PKP4: variants seen among roughly 807,000 people sequenced by gnomAD.
PKP4 encodes the protein plakophilin 4.
In PKP4, 90 loss-of-function variants were observed where a neutral mutation model predicts 145.1. The observed-to-expected ratio is 0.62, with a 90% CI of 0.52 to 0.74. The LOEUF (loss-of-function observed/expected upper bound fraction) is 0.74, where lower values mean the gene tolerates loss of function less well. Ranked by LOEUF, PKP4 falls within the 30% of genes least tolerant of loss-of-function variation. The pLI, the probability that PKP4 is intolerant of heterozygous loss-of-function variation, is 0.00. For synonymous variants in PKP4, 563 were observed against 577.2 expected, an observed-to-expected ratio of 0.98 and a Z score of 0.35; for missense variants, 1,340 against 1,482.7, an observed-to-expected ratio of 0.90 and a Z score of 1.58.
intron 1 of PKP4, among the ~76,000 whole-genome samples, chr2:158,517,724 C>T (rs1236135401): frequency 1.3e-5 from 2 of 151,502 alleles, no homozygotes; most frequent in South Asian, 4.2e-4. Flanking sequence ...GAGACCAACC[C>T]TGGGCAACAT....
At chr2:158,505,694 C>G (rs2040910434) in intron 1 of PKP4, among the ~76,000 whole-genome samples, 1 of 151,964 alleles carries the variant, frequency 6.6e-6, no homozygotes, top group Admixed American at 6.6e-5. Context: ...GGGGGTTCAT[C>G]AGGATCAGAG....
chr2:158,666,870 AC>A (rs1259991895), intron 16 of PKP4, among the ~76,000 whole-genome samples: 1 of 152,214 alleles, frequency 6.6e-6, no homozygotes, highest in African/African-American at 2.4e-5. Context: ...ATCCTGAGCA[AC>A]AAAAAATCTT....
rs756648311 is a variant in PKP4, at chr2:158,680,826, A to T, written c.*149A>T. 7 of 712,020 alleles carry T rather than the reference A, an allele frequency of 9.8e-6. No homozygotes were observed. The highest frequency in any genetic ancestry group is 9.3e-5 in the Admixed American group (3 of 32,104). 44.1% of individuals were successfully genotyped at this position (712,020 alleles called of 1,614,324 possible). On this transcript the variant is annotated 3_prime_UTR_variant, in exon 22 of 22. Transcript: ENST00000389759. ...TTTTTTTTTTCTTTTTTGAGGAATT[A>T]TCAGGGAAGTGAGGAAATGTTTGGG...
chr2:158,499,176 T>G (rs1310986208), intron 1 of PKP4, among the ~76,000 whole-genome samples: 1 of 152,114 alleles, frequency 6.6e-6, no homozygotes, highest in Non-Finnish European at 1.5e-5. Flanking sequence ...AAAGGCTTGG[T>G]GAAGATTAAT....
chr2:158,670,992 G>T (rs1365599252), intron 17 of PKP4, among the ~76,000 whole-genome samples: 1 of 152,114 alleles, frequency 6.6e-6, no homozygotes, highest in Non-Finnish European at 1.5e-5. Context: ...TAGCATGGCA[G>T]CCCTCTCCCC....
chr2:158,676,693 T>G (rs1559001594), intron 19 of PKP4, 46 bp from the exon 20 acceptor site: 1 of 1,611,316 alleles, frequency 6.2e-7, no homozygotes, highest in Admixed American at 1.7e-5. Context: ...TGATGCTGAT[T>G]TCTCTTTCTA....
chr2:158,628,979 C>T (rs1249619644), intron 7 of PKP4, among the ~76,000 whole-genome samples: 22 of 152,044 alleles, frequency 1.4e-4, no homozygotes, highest in Non-Finnish European at 2.8e-4. Flanking sequence ...ATAAGATTAT[C>T]GAGGACTAGG....
At chr2:158,551,450 C>T (rs932236695) in intron 2 of PKP4, among the ~76,000 whole-genome samples, 1 of 152,210 alleles carries the variant, frequency 6.6e-6, no homozygotes, top group African/African-American at 2.4e-5. Flanking sequence ...CTAAAACCAT[C>T]TCAGTTAGCA....
At position 158,680,871 on chromosome 2, in the gene PKP4, A is replaced by C. The variant is rs906706310; in HGVS notation, c.*194A>C. The C allele has an allele frequency of 1.8e-6, 1 of 559,504 alleles. No homozygotes were observed. Among genetic ancestry groups the C allele is most frequent in the African/African-American group, 1.9e-5 (1 of 53,116 alleles). 34.7% of individuals were successfully genotyped at this position (559,504 alleles called of 1,614,324 possible). A position where few individuals can be genotyped will look rare whatever the true frequency, so the allele number is the denominator to read the frequency against. On this transcript the variant is annotated 3_prime_UTR_variant, in exon 22 of 22. Coordinates refer to ENST00000389759, the MANE Select transcript of PKP4 (RefSeq NM_003628.6). ...TTTGGGAGAGGACTTTCTAAGCTCT[A>C]TTTAGGTGTTAGATCTAATTACTTA...
intron 11 of PKP4, among the ~76,000 whole-genome samples, chr2:158,646,629 T>C (rs1024562796): frequency 6.6e-6 from 1 of 152,206 alleles, no homozygotes; most frequent in African/African-American, 2.4e-5. Flanking sequence ...TTGATACATA[T>C]TAAAGCATGA....
intron 1 of PKP4, among the ~76,000 whole-genome samples, chr2:158,530,299 A>G (rs369269703): frequency 6.6e-5 from 10 of 152,012 alleles, no homozygotes; most frequent in African/African-American, 1.9e-4. Context: ...CCTTTTTCCA[A>G]AAACAGCCAT....
chr2:158,649,857 T>C (rs1435125176), intron 11 of PKP4, among the ~76,000 whole-genome samples: 1 of 152,234 alleles, frequency 6.6e-6, no homozygotes, highest in East Asian at 1.9e-4. Context: ...GCAAATGCTT[T>C]GCAGTTTCTG....
At chr2:158,553,053 T>C (rs139653247) in intron 2 of PKP4, among the ~76,000 whole-genome samples, 1 of 152,132 alleles carries the variant, frequency 6.6e-6, no homozygotes, top group Non-Finnish European at 1.5e-5. Context: ...GTAGAAAGCA[T>C]GTAAATGATG....
intron 11 of PKP4, among the ~76,000 whole-genome samples, chr2:158,652,927 T>G (rs2055527410): frequency 6.6e-6 from 1 of 152,158 alleles, no homozygotes; most frequent in Non-Finnish European, 1.5e-5. Context: ...TTTACCTGCC[T>G]CCATCATGAA....
At chr2:158,671,430 T>A (rs1032539578) in intron 17 of PKP4, among the ~76,000 whole-genome samples, 3 of 152,114 alleles carry the variant, frequency 2.0e-5, no homozygotes, top group Non-Finnish European at 2.9e-5. Flanking sequence ...CTTATGCTCT[T>A]AAAATGTCGC....
At chr2:158,545,362 GT>G (rs1424125190) in intron 2 of PKP4, among the ~76,000 whole-genome samples, 7 of 152,056 alleles carry the variant, frequency 4.6e-5, no homozygotes, top group Non-Finnish European at 1.0e-4. Context: ...AGAAAGGGAG[GT>G]GGAGAAGTTT....
intron 1 of PKP4, among the ~76,000 whole-genome samples, chr2:158,532,427 A>C (rs1307070474): frequency 6.6e-6 from 1 of 152,230 alleles, no homozygotes; most frequent in Non-Finnish European, 1.5e-5. Flanking sequence ...GGCTAGTTTC[A>C]TGGTATGATA....
At chr2:158,465,126 T>G (rs978876453) in intron 1 of PKP4, among the ~76,000 whole-genome samples, 2 of 152,198 alleles carry the variant, frequency 1.3e-5, no homozygotes, top group Non-Finnish European at 2.9e-5. Flanking sequence ...TTCAGTCTGG[T>G]TGGGAAAGAT....
At position 158,470,132 on chromosome 2, in the gene PKP4, C is replaced by T. The variant is rs1039100624; in HGVS notation, c.-6+12914C>T. ...CAGCAGGTTAGAACTGTGTCATAGCCATCACTGTAATTCTCTCATGTAGCA... is the reference window on the plus strand; with the variant it reads ...CAGCAGGTTAGAACTGTGTCATAGCTATCACTGTAATTCTCTCATGTAGCA... On this transcript the variant is annotated intron_variant, in intron 1 of 21. Coordinates refer to ENST00000389759, the MANE Select transcript of PKP4 (RefSeq NM_003628.6). Among the ~76,000 whole-genome samples the T allele has an allele frequency of 3.9e-5, 6 of 152,314 alleles. No homozygotes were observed. In the East Asian group the frequency reaches 1.2e-3, roughly 29 times the overall value.
Sources: gnomAD v4.1 joint callset for allele counts (sites outside exome capture counted in the v4.1 genomes callset) on GRCh38, gnomAD v4.1.1 for gene constraint, MANE v1.5 for transcripts, NCBI Gene and HGNC (gene_info 2026-07-23, HGNC 2026-07-21) for gene names.